The following ATG16L2 variants were observed in gnomAD, a reference collection of about 807,000 sequenced individuals.
The protein encoded by ATG16L2 is protein Atg16l2.
ATG16L2 carries 77 observed loss-of-function variants against 84.7 expected under a neutral mutation model. The observed-to-expected ratio is 0.91, with a 90% CI of 0.76 to 1.10. ATG16L2 has a LOEUF of 1.10. ATG16L2 is among the 50% of genes least tolerant of loss of function. The probability of loss-of-function intolerance (pLI) is 0.00; values close to 1 mark genes in which losing one functional copy is unlikely to be tolerated. For synonymous variants in ATG16L2, 361 were observed against 342.8 expected (o/e 1.05, Z -0.59); for missense variants, 782 against 817.6 (o/e 0.96, Z 0.53).
In ATG16L2 at chr11:72,822,395, C is replaced by G; in HGVS notation, c.645-83C>G. On this transcript the variant is annotated intron_variant, in intron 5 of 17. Transcript: ENST00000321297. The surrounding 1 kb of genome is among the most constrained non-coding windows in gnomAD (Gnocchi z 4.2). ...TGGAAGGGAGGGGGGCAGCAGCCGC[C>G]CCCTGGAGGAAGGGACCGGGTCTAG... 1 of 1,597,558 alleles carries G rather than the reference C, an allele frequency of 6.3e-7. No individual in the cohort carries two copies. The highest frequency in any genetic ancestry group is 8.5e-7 in the Non-Finnish European group (1 of 1,172,236).
downstream of ATG16L2, among the ~76,000 whole-genome samples, chr11:72,832,980 C>T (rs141290464): frequency 1.3e-5 from 2 of 152,346 alleles, no homozygotes; most frequent in East Asian, 3.9e-4. Context: ...GTTCTGTAGG[C>T]ATGAGGACCA....
In ATG16L2 at chr11:72,816,744, G is replaced by A; in HGVS notation, c.135G>A (p.Glu45=). ...ACTCTCCAGATAACCATCTCTTAGA[G>A]AAGGCTGAGCTGCTGGACAAGTTCT... ...ELVPAYNHLL[E]KAELLDKFSK... The change falls in exon 2 of 18, where the codon GAG becomes GAA. Residue 45 remains glutamate (E), a synonymous_variant. Transcript: ENST00000321297. The A allele has an allele frequency of 1.9e-6, 3 of 1,614,178 alleles. No homozygotes were observed. Among genetic ancestry groups the A allele is most frequent in the Admixed American group, 1.7e-5 (1 of 60,016 alleles).
At chr11:72,826,306 G>T in intron 11 of ATG16L2, 63 bp downstream of exon 11, 1 of 1,559,254 alleles carries the variant, frequency 6.4e-7, no homozygotes, top group Non-Finnish European at 8.8e-7. Flanking sequence ...CTGGGCAGGT[G>T]GGGGCTGTGG....
At chr11:72,842,661 G>A (rs1860999258) in exon 6 of ATG16L2, 1 of 1,613,850 alleles carries the variant, frequency 6.2e-7, no homozygotes, top group South Asian at 1.1e-5. Context: ...ATTTTCTGAG[G>A]CTGAAAGTTC....
At chr11:72,842,295 C>T (rs907147527) in intron 5 of ATG16L2, among the ~76,000 whole-genome samples, 1 of 152,232 alleles carries the variant, frequency 6.6e-6, no homozygotes. Context: ...AAATTAACCA[C>T]AGAGCAACGC....
At chr11:72,826,489 A>ACCTCTCACTT (rs773494642) in intron 11 of ATG16L2, 29 bp from the exon 12 acceptor site, 4 of 1,612,928 alleles carry the variant, frequency 2.5e-6, no homozygotes, top group East Asian at 2.2e-5. Context: ...CCGGCTTAGC[A>ACCTCTCACTT]CCTCTCACTT....
chr11:72,828,609 C>T (rs1860499915), intron 15 of ATG16L2, 101 bp downstream of exon 15: 1 of 1,592,120 alleles, frequency 6.3e-7, no homozygotes, highest in Non-Finnish European at 8.6e-7. Flanking sequence ...GGAGGCCCCT[C>T]CAGACCAGGT....
At chr11:72,821,804 A>G (rs2135093384) in intron 4 of ATG16L2, 63 bp downstream of exon 4, 2 of 1,501,932 alleles carry the variant, frequency 1.3e-6, no homozygotes, top group Non-Finnish European at 1.8e-6. Flanking sequence ...GGCCAACTAT[A>G]CGGGAGGCGG....
rs567353475 is a variant in ATG16L2, at chr11:72,822,707, C to A, written c.711-141C>A. The stretch of plus-strand genomic sequence containing the variant: ...GCAGAGGACCGTGTGGTCGTAGGAG[C>A]CTGCATGCGTGACCGCTGCACGTGT... On this transcript the variant is annotated intron_variant, in intron 6 of 17. Transcript: ENST00000321297. This position sits in a 1 kb window ranked among gnomAD's most constrained non-coding sequence, Gnocchi z 4.2. The A allele has an allele frequency of 2.1e-4, 226 of 1,068,292 alleles. 2 individuals are homozygous for A. In the African/African-American group the frequency reaches 3.3e-3, roughly 15 times the overall value. 66.2% of individuals were successfully genotyped at this position (1,068,292 alleles called of 1,614,324 possible).
At position 72,822,872 on chromosome 11, in the gene ATG16L2, G is replaced by A. The variant is rs1254440133; in HGVS notation, c.735G>A (p.Gly245=). 1.3e-5 allele frequency: 20 copies of A among 1,570,750 alleles called. No homozygotes were observed. Among genetic ancestry groups the A allele is most frequent in the Non-Finnish European group, 1.6e-5 (19 of 1,157,206 alleles). The change falls in exon 7 of 18, where the codon GGG becomes GGA. Residue 245 remains glycine (G), a synonymous_variant. Coordinates refer to ENST00000321297, the MANE Select transcript of ATG16L2 (RefSeq NM_033388.2). This position sits in a 1 kb window ranked among gnomAD's most constrained non-coding sequence, Gnocchi z 4.2. ...ISEGPDTLGD[G]MRERRETLAL... ...GGGGCCCGGACACCCTAGGCGATGGGATGAGGGAGAGAAGGGAGACTCTGG... is the reference window on the plus strand; with the variant it reads ...GGGGCCCGGACACCCTAGGCGATGGAATGAGGGAGAGAAGGGAGACTCTGG...
chr11:72,824,123 G>A lies in ATG16L2; in HGVS notation c.887+1G>A, dbSNP rs1565266871. ...TGGATGTGGTGAAGGGGCTTCTGGA[G>A]TAAGTGTGTGTGTGCCTGTGTGTGC... On this transcript the variant is annotated splice_donor_variant, in intron 8 of 17. Transcript: ENST00000321297. LOFTEE classifies it high-confidence loss of function. 5 of 1,614,124 alleles carry A rather than the reference G, an allele frequency of 3.1e-6. No homozygotes were observed. In the South Asian group the frequency reaches 4.4e-5, roughly 14 times the overall value.
downstream of ATG16L2, among the ~76,000 whole-genome samples, chr11:72,833,966 A>G (rs1020944362): frequency 2.0e-5 from 3 of 151,006 alleles, no homozygotes; most frequent in Non-Finnish European, 4.4e-5. Context: ...TTCCCAGACC[A>G]GAGCTCTCAG....
At chr11:72,817,309 C>G (rs1859752288) in intron 2 of ATG16L2, among the ~76,000 whole-genome samples, 1 of 151,834 alleles carries the variant, frequency 6.6e-6, no homozygotes, top group Non-Finnish European at 1.5e-5. Context: ...GATCTCAGCT[C>G]ACTGCAACCT....
rs533431248 is a variant in ATG16L2, at chr11:72,827,009, G to T, written c.1367-179G>T. On this transcript the variant is annotated intron_variant, in intron 13 of 17. Coordinates refer to ENST00000321297, the MANE Select transcript of ATG16L2 (RefSeq NM_033388.2). ...GTGGTGTTTTCTGTCTGGTTTCTTG[G>T]TGACCTCAGGCTGTGGGTAGGAAAA... The T allele has an allele frequency of 8.2e-5, 72 of 873,458 alleles. No homozygotes were observed. The African/African-American group carries it at 1.1e-3, about 13-fold the overall frequency. The allele number at this position is 873,458 out of a possible 1,614,324, so 54.1% of individuals were successfully genotyped here. A position where few individuals can be genotyped will look rare whatever the true frequency, so the allele number is the denominator to read the frequency against.
chr11:72,838,624 T>A, intron 5 of ATG16L2: 1 of 591,898 alleles, frequency 1.7e-6, no homozygotes, highest in Non-Finnish European at 3.0e-6. Flanking sequence ...AGGCACGAAA[T>A]ATTCAAAACG....
intron 7 of ATG16L2, 95 bp from the exon 8 acceptor site, chr11:72,823,965 G>A (rs1237797892): frequency 7.2e-7 from 1 of 1,380,920 alleles, no homozygotes; most frequent in Non-Finnish European, 1.0e-6. Flanking sequence ...GAGGTTACAA[G>A]CCTCCAGGTC....
intron 2 of ATG16L2, 37 bp from the exon 3 acceptor site, chr11:72,817,719 C>T: frequency 6.2e-7 from 1 of 1,605,632 alleles, no homozygotes; most frequent in Non-Finnish European, 8.5e-7. Context: ...CTTGGGTGAA[C>T]CGGGGGACAT....
At position 72,822,315 on chromosome 11, in the gene ATG16L2, C is replaced by T; in HGVS notation, c.644+20C>T. 6.6e-7 allele frequency: 1 copy of T among 1,521,766 alleles called. No individual in the cohort carries two copies. The highest frequency in any genetic ancestry group is 8.8e-7 in the Non-Finnish European group (1 of 1,140,746). The allele number at this position is 1,521,766 out of a possible 1,614,324, so 94.3% of individuals were successfully genotyped here. A position where few individuals can be genotyped will look rare whatever the true frequency, so the allele number is the denominator to read the frequency against. On this transcript the variant is annotated intron_variant, in intron 5 of 17. Transcript: ENST00000321297. The surrounding 1 kb of genome is among the most constrained non-coding windows in gnomAD (Gnocchi z 4.2). ...GGAGCGGTGAGGGAGCAGGCCCCGCCCCTCCTGAGGAAAGGCCCCGCCCCT... is the reference window on the plus strand; with the variant it reads ...GGAGCGGTGAGGGAGCAGGCCCCGCTCCTCCTGAGGAAAGGCCCCGCCCCT...
At chr11:72,829,928 G>A (rs1860569061), downstream of ATG16L2, among the ~76,000 whole-genome samples, 1 of 152,220 alleles carries the variant, frequency 6.6e-6, no homozygotes, top group Non-Finnish European at 1.5e-5. Flanking sequence ...TGAAGCTGAG[G>A]AGGGGCTGGG....
Sources: allele counts gnomAD v4.1 joint callset (sites outside exome capture counted in the v4.1 genomes callset), GRCh38; gene constraint gnomAD v4.1.1; non-coding constraint Gnocchi (gnomAD v3.1); transcripts MANE v1.5; gene names NCBI Gene and HGNC (gene_info 2026-07-23, HGNC 2026-07-21).